The following SLC9A8 variants were observed in gnomAD, a reference collection of about 807,000 sequenced individuals.
The protein encoded by SLC9A8 is solute carrier family 9 member A8.
Under a neutral mutation model 66.6 loss-of-function variants are expected in SLC9A8, and 48 were observed. The observed-to-expected ratio is 0.72, with a 90% CI of 0.57 to 0.92. SLC9A8 has a LOEUF of 0.92. Among genes scored for constraint, SLC9A8 ranks in the 40% least tolerant of loss-of-function variants. The pLI, the probability that SLC9A8 is intolerant of heterozygous loss-of-function variation, is 0.00. For synonymous variants in SLC9A8, 274 were observed against 282.6 expected (o/e 0.97, Z 0.31); for missense variants, 599 against 747.3 (o/e 0.80, Z 2.31).
chr20:49,828,851 A>G (rs977382431), intron 3 of SLC9A8, among the ~76,000 whole-genome samples: 1 of 147,194 alleles, frequency 6.8e-6, no homozygotes, highest in Non-Finnish European at 1.5e-5. Context: ...ATAAATAGTA[A>G]TAATAATAAT....
At chr20:49,831,402 A>ACTCT (rs11469884) in intron 3 of SLC9A8, among the ~76,000 whole-genome samples, 3,269 of 142,786 alleles carry the variant, frequency 0.023, 34 homozygotes, top group Non-Finnish European at 0.026. Flanking sequence ...ACACACACAC[A>ACTCT]CTCTCTCTCT....
Position 49,878,077 on chromosome 20 carries a change from T to G in SLC9A8, c.1158+14T>G. ...ATCTGGTGCATAGTAAGTATTTTCC[T>G]TTTTTTTTTTAAATTTAATTACTTA... is the stretch of plus-strand genomic sequence containing the variant. On this transcript the variant is annotated intron_variant, in intron 12 of 15. Coordinates refer to ENST00000361573, the MANE Select transcript of SLC9A8 (RefSeq NM_015266.3). The G allele has an allele frequency of 1.2e-6, 1 of 842,440 alleles. No homozygotes were observed. Among genetic ancestry groups the G allele is most frequent in the Non-Finnish European group, 1.7e-6 (1 of 602,194 alleles). The allele number at this position is 842,440 out of a possible 1,614,324, so 52.2% of individuals were successfully genotyped here. A position where few individuals can be genotyped will look rare whatever the true frequency, so the allele number is the denominator to read the frequency against.
chr20:49,879,819 A>C (rs2089562483), intron 12 of SLC9A8, among the ~76,000 whole-genome samples: 3 of 152,128 alleles, frequency 2.0e-5, no homozygotes, highest in African/African-American at 7.2e-5. Flanking sequence ...AAAAACTCTC[A>C]AATTCATGCT....
chr20:49,855,337 A>G lies in SLC9A8; in HGVS notation c.570-101A>G, dbSNP rs1031832750. On this transcript the variant is annotated intron_variant, in intron 7 of 15. Transcript: ENST00000361573. Reference sequence around the variant, plus strand: ...TGTAATTAATTCAGCTCTAGCGTGTAGTATTGCTTTCTGTTAAATATGGCC... The same window carrying G: ...TGTAATTAATTCAGCTCTAGCGTGTGGTATTGCTTTCTGTTAAATATGGCC... 3 of 1,133,776 alleles carry G rather than the reference A, an allele frequency of 2.6e-6. No individual in the cohort carries two copies. The African/African-American group carries it at 4.6e-5, about 17-fold the overall frequency. 70.2% of individuals were successfully genotyped at this position (1,133,776 alleles called of 1,614,324 possible).
At chr20:49,817,719 G>C (rs13433179) in intron 2 of SLC9A8, among the ~76,000 whole-genome samples, 16,795 of 152,072 alleles carry the variant, frequency 0.11, 995 homozygotes, top group Middle Eastern at 0.15. Flanking sequence ...CTTATAAACC[G>C]ATACTGAAAA....
intron 6 of SLC9A8, among the ~76,000 whole-genome samples, chr20:49,850,385 A>T (rs755892158): frequency 1.3e-5 from 2 of 152,186 alleles, no homozygotes; most frequent in Non-Finnish European, 2.9e-5. Context: ...AATTAAGTTG[A>T]GGGTCAGGTA....
chr20:49,830,048 A>G, intron 3 of SLC9A8: 3 of 688,164 alleles, frequency 4.4e-6, no homozygotes, highest in South Asian at 4.1e-5. Context: ...GCAGCCGACC[A>G]GAAGCGAGCC....
At chr20:49,876,759 G>T (rs529291918) in intron 11 of SLC9A8, among the ~76,000 whole-genome samples, 357 of 152,264 alleles carry the variant, frequency 2.3e-3, no homozygotes, top group Non-Finnish European at 3.4e-3. Context: ...ATACCGTGAT[G>T]TATCCAGATC....
rs1308556165 is a variant in SLC9A8 at position 49,880,933 on chromosome 20, C to G, written c.1168C>G (p.Leu390Val). 6.2e-7 allele frequency: 1 copy of G among 1,611,330 alleles called. No individual in the cohort carries two copies. The highest frequency in any genetic ancestry group is 1.1e-5 in the South Asian group (1 of 91,020). The change falls in exon 13 of 16, where the codon CTA becomes GTA. Residue 390 changes from leucine to valine, a missense_variant. Transcript: ENST00000361573. ...SFVIWCIVLVLFGRAVNIFPL... is the reference protein window; with the variant it reads ...SFVIWCIVLVVFGRAVNIFPL... ...TTGTTGCTATCAACAGGTGCTTGTA[C>G]TATTTGGCAGAGCGGTAAACATTTT... is the stretch of plus-strand genomic sequence containing the variant.
intron 3 of SLC9A8, among the ~76,000 whole-genome samples, chr20:49,834,214 T>TATATATATATAC (rs1479055075): frequency 5.4e-5 from 6 of 112,140 alleles, no homozygotes; most frequent in African/African-American, 1.9e-4. Context: ...TATATATATA[T>TATATATATATAC]ACACACACAC....
intron 7 of SLC9A8, among the ~76,000 whole-genome samples, chr20:49,854,700 C>T (rs2088396366): frequency 6.6e-6 from 1 of 152,160 alleles, no homozygotes; most frequent in Non-Finnish European, 1.5e-5. Context: ...CTTCATCATC[C>T]CGTTGTCCCT....
chr20:49,839,772 A>G (rs1350325528), intron 4 of SLC9A8, among the ~76,000 whole-genome samples, 173 bp downstream of exon 4: 1 of 152,104 alleles, frequency 6.6e-6, no homozygotes, highest in Non-Finnish European at 1.5e-5. Flanking sequence ...AGTTTTTGCA[A>G]AAGCATAAGT....
At chr20:49,817,188 G>A (rs1415559935) in intron 2 of SLC9A8, among the ~76,000 whole-genome samples, 1 of 151,750 alleles carries the variant, frequency 6.6e-6, no homozygotes, top group African/African-American at 2.4e-5. Flanking sequence ...GTGGTGGCGG[G>A]CACCTGTAAT....
intron 1 of SLC9A8, among the ~76,000 whole-genome samples, chr20:49,814,518 C>T (rs1474332001): frequency 6.6e-6 from 1 of 152,080 alleles, no homozygotes; most frequent in Non-Finnish European, 1.5e-5. Context: ...TAGGAGGTGA[C>T]ATTTGAGCCG....
chr20:49,827,404 A>G (rs1308610604), intron 3 of SLC9A8, among the ~76,000 whole-genome samples: 3 of 151,376 alleles, frequency 2.0e-5, no homozygotes, highest in African/African-American at 7.3e-5. Flanking sequence ...AGAGTTCGAG[A>G]ACAACCTGGC....
At chr20:49,825,045 C>T (rs1222675883) in intron 3 of SLC9A8, among the ~76,000 whole-genome samples, 1 of 152,144 alleles carries the variant, frequency 6.6e-6, no homozygotes, top group Non-Finnish European at 1.5e-5. Context: ...CTTGCAACTA[C>T]TGTGGCTCAA....
chr20:49,882,722 G>T (rs487096), intron 13 of SLC9A8, among the ~76,000 whole-genome samples: 174 of 152,252 alleles, frequency 1.1e-3, no homozygotes, highest in African/African-American at 4.0e-3. Flanking sequence ...TGAATTGCCC[G>T]GTGGCCTGGC....
At chr20:49,828,740 G>A (rs2087027831) in intron 3 of SLC9A8, among the ~76,000 whole-genome samples, 1 of 151,796 alleles carries the variant, frequency 6.6e-6, no homozygotes, top group African/African-American at 2.4e-5. Context: ...TCAGGAGGCT[G>A]AGGCAGGAGA....
rs200096437 is a variant in SLC9A8 at position 49,855,497 on chromosome 20, A to G, written c.629A>G (p.Asn210Ser). The G allele has an allele frequency of 3.3e-4, 529 of 1,614,158 alleles. 4 individuals are homozygous for G. Among genetic ancestry groups the G allele is most frequent in the South Asian group, 2.7e-3 (247 of 91,080 alleles). ...VDPVATIAIF[N>S]ALHVDPVLNM... ...CCAGTGGCCACTATTGCCATTTTCA[A>G]TGCACTTCATGTGGACCCCGTGCTC... Residue 210 changes from asparagine to serine, a missense_variant, in exon 8 of 16, where the codon AAT becomes AGT. Coordinates refer to ENST00000361573, the MANE Select transcript of SLC9A8 (RefSeq NM_015266.3).
Sources: gnomAD v4.1 joint callset for allele counts (sites outside exome capture counted in the v4.1 genomes callset) on GRCh38, gnomAD v4.1.1 for gene constraint, MANE v1.5 for transcripts, NCBI Gene and HGNC (gene_info 2026-07-23, HGNC 2026-07-21) for gene names.